The following AKR1B15 variants were observed in gnomAD, a reference collection of about 807,000 sequenced individuals.
AKR1B15 encodes aldo-keto reductase family 1 member B15.
A neutral mutation model predicts 38.5 loss-of-function variants in AKR1B15; 49 were observed. That is an observed-to-expected ratio of 1.27 (90% CI 1.01 to 1.62). The LOEUF is 1.62. AKR1B15 is among the 40% of genes most tolerant of loss of function. The pLI, the probability that AKR1B15 is intolerant of heterozygous loss-of-function variation, is 0.00. For synonymous variants in AKR1B15, 137 were observed against 135.5 expected (o/e 1.01, Z -0.08); for missense variants, 411 against 381.6 (o/e 1.08, Z -0.64).
At chr7:134,551,308 A>C (rs1401144942) in intron 1 of AKR1B15, among the ~76,000 whole-genome samples, 1 of 152,116 alleles carries the variant, frequency 6.6e-6, no homozygotes, top group Non-Finnish European at 1.5e-5. Flanking sequence ...CCCTTTGGGC[A>C]GTGGGCGTTG....
chr7:134,560,161 G>GT (rs1486393190), intron 2 of AKR1B15, among the ~76,000 whole-genome samples: 3 of 152,020 alleles, frequency 2.0e-5, no homozygotes, highest in Non-Finnish European at 1.5e-5. Context: ...CCCTCAAGAG[G>GT]TGAAATCTAT....
chr7:134,565,692 T>C, intron 3 of AKR1B15: 1 of 1,456,164 alleles, frequency 6.9e-7, no homozygotes, highest in Non-Finnish European at 9.2e-7. Flanking sequence ...TCGGGTTGCT[T>C]TCTTTTCTCA....
intron 2 of AKR1B15, among the ~76,000 whole-genome samples, chr7:134,562,858 CTTTCTTTCTT>C (rs1048314568): frequency 5.7e-5 from 8 of 139,484 alleles, no homozygotes; most frequent in African/African-American, 2.0e-4. Flanking sequence ...TTCTTTCTTT[CTTTCTTTCTT>C]TCTTTCTTTC....
chr7:134,560,109 GAA>G (rs145835206), intron 2 of AKR1B15, among the ~76,000 whole-genome samples: 9 of 146,974 alleles, frequency 6.1e-5, no homozygotes, highest in South Asian at 2.2e-4. Context: ...CTCCACCTAA[GAA>G]AAAAAAAAAA....
chr7:134,550,846 T>C (rs1793942813), intron 1 of AKR1B15, among the ~76,000 whole-genome samples: 1 of 152,188 alleles, frequency 6.6e-6, no homozygotes, highest in African/African-American at 2.4e-5. Context: ...CGAAGTAGAA[T>C]GGCCAAAGTT....
intron 3 of AKR1B15, among the ~76,000 whole-genome samples, chr7:134,567,882 G>T (rs1489134703): frequency 6.6e-6 from 1 of 152,114 alleles, no homozygotes. Context: ...CCTTTCTTTT[G>T]AAAACTTTTC....
intron 3 of AKR1B15, chr7:134,565,498 G>A (rs774245134): frequency 4.3e-6 from 7 of 1,613,804 alleles, no homozygotes; most frequent in Non-Finnish European, 5.9e-6. Context: ...CGTTTGTGGA[G>A]CTCAGTACAA....
chr7:134,575,820 G>A lies in AKR1B15; in HGVS notation c.637-1G>A, dbSNP rs778742134. 14 of 1,613,770 alleles carry A rather than the reference G, an allele frequency of 8.7e-6. No individual in the cohort carries two copies. The East Asian group carries it at 3.1e-4, about 36-fold the overall frequency. ...GTGATGAGGATTGTTTGCTGTTGCA[G>A]GTTGAGTGTCACCCATACCTCACGC... On this transcript the variant is annotated splice_acceptor_variant, in intron 7 of 11. Coordinates refer to ENST00000457545, the MANE Select transcript of AKR1B15 (RefSeq NM_001080538.3). LOFTEE classifies it high-confidence loss of function.
chr7:134,565,801 T>C (rs2078428733), intron 3 of AKR1B15, among the ~76,000 whole-genome samples: 1 of 152,116 alleles, frequency 6.6e-6, no homozygotes. Flanking sequence ...GGACTTAAAA[T>C]TGTTTTCCAG....
intron 6 of AKR1B15, chr7:134,573,377 A>G: frequency 8.1e-6 from 8 of 985,380 alleles, no homozygotes; most frequent in Non-Finnish European, 9.6e-6. Context: ...TCCTATGATG[A>G]TATGAAGTAT....
intron 2 of AKR1B15, among the ~76,000 whole-genome samples, chr7:134,559,987 A>G (rs1407513225): frequency 6.6e-6 from 1 of 152,148 alleles, no homozygotes; most frequent in Non-Finnish European, 1.5e-5. Flanking sequence ...GTGCACCTGT[A>G]GTCCTAGCTA....
At chr7:134,565,910 G>C (rs1425317880) in intron 3 of AKR1B15, among the ~76,000 whole-genome samples, 1 of 152,102 alleles carries the variant, frequency 6.6e-6, no homozygotes, top group Non-Finnish European at 1.5e-5. Context: ...TTGTGGAGAG[G>C]ATGCAGAGCC....
At chr7:134,555,446 G>A (rs1794159565) in intron 1 of AKR1B15, among the ~76,000 whole-genome samples, 2 of 152,088 alleles carry the variant, frequency 1.3e-5, no homozygotes, top group Admixed American at 1.3e-4. Context: ...AAAAAAATGG[G>A]TCCCCAAGCC....
rs201134018 is a variant in AKR1B15, at chr7:134,558,318, GTTATAC to G, written c.-23+1464_-23+1469del. Among the ~76,000 whole-genome samples, 381 of 152,298 alleles carry G rather than the reference GTTATAC, an allele frequency of 2.5e-3. 2 individuals carry two copies. Among genetic ancestry groups the G allele is most frequent in the African/African-American group, 8.8e-3 (366 of 41,538 alleles). ...TACACTGAAATGCCTCCAATTGGTA[GTTATAC>G]TTATTAGTAATAATAGACCATTTTA... On this transcript the variant is annotated intron_variant, in intron 2 of 11. Coordinates refer to ENST00000457545, the MANE Select transcript of AKR1B15 (RefSeq NM_001080538.3).
intron 3 of AKR1B15, chr7:134,565,496 G>A: frequency 6.2e-7 from 1 of 1,613,774 alleles, no homozygotes; most frequent in Non-Finnish European, 8.5e-7. Flanking sequence ...CACGTTTGTG[G>A]AGCTCAGTAC....
At chr7:134,553,651 G>A (rs1255150882) in intron 1 of AKR1B15, among the ~76,000 whole-genome samples, 13 of 152,184 alleles carry the variant, frequency 8.5e-5, no homozygotes, top group Admixed American at 3.9e-4. Context: ...CGCATCTTGC[G>A]GTATCAGAGT....
chr7:134,564,761 T>C lies in AKR1B15; in HGVS notation c.142T>C (p.Tyr48His), dbSNP rs1186511732. ...TTSAGPLLRP[Y>H]PASLLGKVKE... ...AAGTGCAGGGCCCCTTCTTCGCCCC[T>C]ATCCAGCAGTAAGTGGCTAGAGAGG... The change falls in exon 3 of 12, where the codon TAT becomes CAT. Residue 48 changes from tyrosine (Y) to histidine (H), a missense_variant. Tyr to His is a moderately conservative substitution (Grantham distance 83). This residue lies in a region of AKR1B15 where 254 missense variants were observed against 212.4 expected (regional missense o/e 1.20). Transcript: ENST00000457545. The C allele has an allele frequency of 1.5e-6, 1 of 679,348 alleles. No homozygotes were observed. The highest frequency in any genetic ancestry group is 2.7e-6 in the Non-Finnish European group (1 of 375,130). The allele number at this position is 679,348 out of a possible 1,614,324, so 42.1% of individuals were successfully genotyped here.
intron 5 of AKR1B15, chr7:134,570,130 G>A (rs1794636683): frequency 6.6e-6 from 1 of 152,454 alleles, no homozygotes; most frequent in Non-Finnish European, 1.5e-5. Context: ...GGCTGCTCTG[G>A]GGACGGCTGT....
chr7:134,555,198 T>A (rs1794149368), intron 1 of AKR1B15, among the ~76,000 whole-genome samples: 1 of 152,128 alleles, frequency 6.6e-6, no homozygotes, highest in Non-Finnish European at 1.5e-5. Context: ...GTACAAGACA[T>A]CATCCAGCTG....
Sources: gnomAD v4.1 joint callset for allele counts (sites outside exome capture counted in the v4.1 genomes callset) on GRCh38, gnomAD v4.1.1 for gene constraint, gnomAD v4.1.1 regional missense constraint, MANE v1.5 for transcripts, NCBI Gene and HGNC (gene_info 2026-07-23, HGNC 2026-07-21) for gene names.